The following FSTL4 variants were observed in gnomAD, a reference collection of about 807,000 sequenced individuals.
The protein encoded by FSTL4 is follistatin-related protein 4.
In FSTL4, 28 loss-of-function variants were observed where a neutral mutation model predicts 78.2. The observed-to-expected ratio is 0.36, with a 90% CI of 0.27 to 0.49. The LOEUF is 0.49. Ranked by LOEUF, FSTL4 falls within the 20% of genes least tolerant of loss-of-function variation. FSTL4 has a pLI of 0.98. For missense variants in FSTL4, 922 were observed against 1,084.9 expected, an observed-to-expected ratio of 0.85 and a Z score of 2.11; for synonymous variants, 422 against 440.5, an observed-to-expected ratio of 0.96 and a Z score of 0.53.
chr5:133,331,823 A>G (rs1408979572), intron 4 of FSTL4, among the ~76,000 whole-genome samples: 1 of 152,186 alleles, frequency 6.6e-6, no homozygotes, highest in Non-Finnish European at 1.5e-5. Flanking sequence ...CCAGGGCTTG[A>G]GCCTCTGGGA....
intron 6 of FSTL4, among the ~76,000 whole-genome samples, chr5:133,270,847 T>G (rs1297426361): frequency 2.6e-5 from 4 of 152,310 alleles, no homozygotes; most frequent in Non-Finnish European, 4.4e-5. Context: ...TTGCTGGGTC[T>G]AGGGTTGCAT....
chr5:133,687,836 C>A, the FSTL4 span, among the ~76,000 whole-genome samples: 1 of 152,222 alleles, frequency 6.6e-6, no homozygotes, highest in Admixed American at 6.5e-5. Context: ...CAGGCTGGCG[C>A]CATGGCTATT....
chr5:133,225,051 C>T lies in FSTL4; in HGVS notation c.1312+99G>A, dbSNP rs1751281392. ...AGGCTTACCCCTGTCTTCACGGGCT[C>T]ATGGTTGGCAGCTGTGGCCCTGGTC... On this transcript the variant is annotated intron_variant, in intron 10 of 15. Transcript: ENST00000265342. This position sits in a 1 kb window ranked among gnomAD's most constrained non-coding sequence, Gnocchi z 4.6. 3 of 1,378,336 alleles carry T rather than the reference C, an allele frequency of 2.2e-6. No homozygotes were observed. The highest frequency in any genetic ancestry group is 1.7e-5 in the Admixed American group (1 of 59,008). 85.4% of individuals were successfully genotyped at this position (1,378,336 alleles called of 1,614,324 possible).
At chr5:133,414,143 C>T (rs538472812) in intron 3 of FSTL4, among the ~76,000 whole-genome samples, 14 of 152,188 alleles carry the variant, frequency 9.2e-5, no homozygotes, top group Middle Eastern at 3.4e-3. Context: ...CTCCACCATT[C>T]TGGGTTAAAC....
At position 133,199,685 on chromosome 5, in the gene FSTL4, T is replaced by G. The variant is rs1357693344; in HGVS notation, c.1939A>C (p.Met647Leu). ...LHHHGCVPQAMAHTHLGGYFF... is the reference protein window; with the variant it reads ...LHHHGCVPQALAHTHLGGYFF... ...TAGCCGCCCAGGTGGGTGTGTGCCA[T>G]GGCCTGGGGCACGCAGCCATGGTGG... Residue 647 changes from methionine (M) to leucine (L), a missense_variant, in exon 16 of 16, where the codon ATG (methionine) becomes CTG (leucine). By Grantham distance (15) the Met-to-Leu change is conservative. Coordinates refer to ENST00000265342, the MANE Select transcript of FSTL4 (RefSeq NM_015082.2). This position sits in a 1 kb window ranked among gnomAD's most constrained non-coding sequence, Gnocchi z 4.4. 6.2e-7 allele frequency: 1 copy of G among 1,613,840 alleles called. No homozygotes were observed. The highest frequency in any genetic ancestry group is 8.5e-7 in the Non-Finnish European group (1 of 1,179,892).
chr5:133,285,672 C>A (rs1249756724), intron 6 of FSTL4, among the ~76,000 whole-genome samples: 1 of 152,210 alleles, frequency 6.6e-6, no homozygotes, highest in Admixed American at 6.5e-5. Flanking sequence ...CACAAAGCTC[C>A]CAGCTGTGGA....
the FSTL4 span, among the ~76,000 whole-genome samples, chr5:133,749,556 G>A: frequency 6.6e-6 from 1 of 152,226 alleles, no homozygotes; most frequent in East Asian, 1.9e-4. Flanking sequence ...GCCATGGGCT[G>A]AAAGCAAGAA....
chr5:133,222,657 C>A (rs1026287849), intron 11 of FSTL4, among the ~76,000 whole-genome samples: 1 of 152,200 alleles, frequency 6.6e-6, no homozygotes, highest in Non-Finnish European at 1.5e-5. Flanking sequence ...TGCTCACAGT[C>A]GGCCCTGGAA....
chr5:133,238,592 G>A (rs1410247699), intron 7 of FSTL4, among the ~76,000 whole-genome samples: 3 of 152,220 alleles, frequency 2.0e-5, no homozygotes, highest in African/African-American at 7.2e-5. Flanking sequence ...GCACATGTGG[G>A]TGAGCACACA....
intron 6 of FSTL4, among the ~76,000 whole-genome samples, chr5:133,301,490 G>A (rs531868833): frequency 4.5e-4 from 69 of 152,260 alleles, no homozygotes; most frequent in African/African-American, 1.6e-3. Context: ...TAAGGAAGAT[G>A]AGTAAGCCCA....
intron 6 of FSTL4, among the ~76,000 whole-genome samples, chr5:133,301,464 CTCTG>C (rs2126878138): frequency 6.6e-6 from 1 of 152,276 alleles, no homozygotes; most frequent in African/African-American, 2.4e-5. Context: ...CTAGTGGAGG[CTCTG>C]TCTGAAGGGG....
chr5:133,739,942 G>A, the FSTL4 span, among the ~76,000 whole-genome samples: 2 of 150,744 alleles, frequency 1.3e-5, no homozygotes, highest in East Asian at 3.9e-4. Flanking sequence ...ACCCAGACAG[G>A]AGTGCAATGG....
chr5:133,751,645 G>A, the FSTL4 span, among the ~76,000 whole-genome samples: 7 of 152,312 alleles, frequency 4.6e-5, no homozygotes, highest in South Asian at 2.1e-4. Flanking sequence ...CGCAAATTCC[G>A]GTAGCAGATG....
chr5:133,286,498 C>G (rs1753132410), intron 6 of FSTL4, among the ~76,000 whole-genome samples: 1 of 152,202 alleles, frequency 6.6e-6, no homozygotes, highest in Non-Finnish European at 1.5e-5. Context: ...TTAATCGCCT[C>G]TTCAATCTTG....
At chr5:133,787,235 G>C in the FSTL4 span, among the ~76,000 whole-genome samples, 55 of 152,202 alleles carry the variant, frequency 3.6e-4, no homozygotes, top group African/African-American at 1.3e-3. Context: ...TATTTATTTA[G>C]AACTCAAATT....
chr5:133,779,757 C>T, the FSTL4 span, among the ~76,000 whole-genome samples: 1 of 152,298 alleles, frequency 6.6e-6, no homozygotes, highest in South Asian at 2.1e-4. Context: ...GGCTCTATCC[C>T]ACCTCCCCAG....
chr5:133,418,707 A>C (rs1756631034), intron 3 of FSTL4, among the ~76,000 whole-genome samples: 2 of 152,378 alleles, frequency 1.3e-5, no homozygotes, highest in South Asian at 2.1e-4. Flanking sequence ...TGGAAATAGC[A>C]TTATACTATA....
chr5:133,598,739 G>C (rs1035341802), intron 2 of FSTL4, among the ~76,000 whole-genome samples: 5 of 152,148 alleles, frequency 3.3e-5, no homozygotes, highest in African/African-American at 9.7e-5. Context: ...GCCCTGGGGA[G>C]ACCATTCTCG....
intron 3 of FSTL4, among the ~76,000 whole-genome samples, chr5:133,465,222 C>T (rs1383270850): frequency 1.3e-5 from 2 of 152,198 alleles, no homozygotes; most frequent in African/African-American, 4.8e-5. Context: ...CCTTTCTTTG[C>T]CTGGTGTTCC....
Sources: gnomAD v4.1 joint callset for allele counts (sites outside exome capture counted in the v4.1 genomes callset) on GRCh38, gnomAD v4.1.1 for gene constraint, Gnocchi (gnomAD v3.1) non-coding constraint, MANE v1.5 for transcripts, NCBI Gene and HGNC (gene_info 2026-07-23, HGNC 2026-07-21) for gene names.